The following ROBO2 variants were observed in gnomAD, a reference collection of about 807,000 sequenced individuals.
The protein encoded by ROBO2 is roundabout homolog 2.
In ROBO2, 53 loss-of-function variants were observed where a neutral mutation model predicts 160.8. That is an observed-to-expected ratio of 0.33 (90% CI 0.26 to 0.41). The LOEUF is 0.41. Ranked by LOEUF, ROBO2 falls within the 10% of genes least tolerant of loss-of-function variation. The probability of loss-of-function intolerance (pLI) is 1.00; values close to 1 mark genes in which losing one functional copy is unlikely to be tolerated. For missense variants in ROBO2, 1,577 were observed against 1,722.4 expected (o/e 0.92, Z 1.49); for synonymous variants, 664 against 611.7 (o/e 1.09, Z -1.26).
At chr3:75,956,424 T>C (rs1948724952) in intron 2 of ROBO2, among the ~76,000 whole-genome samples, 1 of 151,756 alleles carries the variant, frequency 6.6e-6, no homozygotes, top group African/African-American at 2.4e-5. Flanking sequence ...GCTGTCCTGA[T>C]GGCATTCCAA....
chr3:76,284,741 T>G lies in ROBO2; in HGVS notation c.109+347139T>G, dbSNP rs567278277. Among the ~76,000 whole-genome samples the G allele has an allele frequency of 1.2e-4, 18 of 152,268 alleles. No individual in the cohort carries two copies. In the South Asian group the frequency reaches 3.7e-3, roughly 32 times the overall value. The stretch of plus-strand genomic sequence containing the variant: ...ATCCAGAGGCCTGACCTTTGGATGT[T>G]TGATTCTTCATTTGATTCTTCACCT... On this transcript the variant is annotated intron_variant, in intron 2 of 26. Transcript: ENST00000487694.
intron 2 of ROBO2, among the ~76,000 whole-genome samples, chr3:76,784,040 G>C (rs1296798149): frequency 6.6e-6 from 1 of 150,718 alleles, no homozygotes; most frequent in African/African-American, 2.4e-5. Context: ...TTGGAACACT[G>C]TATTCTTCAG....
At chr3:76,980,122 A>G (rs2060020776) in intron 2 of ROBO2, among the ~76,000 whole-genome samples, 1 of 152,178 alleles carries the variant, frequency 6.6e-6, no homozygotes, top group Admixed American at 6.5e-5. Context: ...TGGCACAGGA[A>G]ACTCTGCAAA....
intron 2 of ROBO2, among the ~76,000 whole-genome samples, chr3:76,001,770 C>G (rs1241748691): frequency 6.6e-6 from 1 of 152,134 alleles, no homozygotes; most frequent in Non-Finnish European, 1.5e-5. Flanking sequence ...GTCTTGAACT[C>G]TTGAGCTCAA....
rs2062645880 is a variant in ROBO2 at position 77,301,397 on chromosome 3, A to G, written c.389-176017A>G. 3.3e-5 allele frequency among the ~76,000 whole-genome samples: 5 copies of G among 152,256 alleles called. No individual in the cohort carries two copies. In the South Asian group the frequency reaches 8.3e-4, roughly 25 times the overall value. On this transcript the variant is annotated intron_variant, in intron 2 of 25. Coordinates refer to ENST00000461745, the Ensembl canonical transcript of ROBO2. ...GCATTGGCTAAGTGTAATTTATGAAACAATGTACAGTGGAGGCTCCTAACT... is the reference window on the plus strand; with the variant it reads ...GCATTGGCTAAGTGTAATTTATGAAGCAATGTACAGTGGAGGCTCCTAACT...
intron 2 of ROBO2, among the ~76,000 whole-genome samples, chr3:76,085,121 A>G (rs2068966913): frequency 6.6e-6 from 1 of 150,632 alleles, no homozygotes; most frequent in Non-Finnish European, 1.5e-5. Flanking sequence ...ATATATACAC[A>G]CACACACACA....
At chr3:77,151,932 C>T (rs1052203521) in intron 2 of ROBO2, among the ~76,000 whole-genome samples, 2 of 152,038 alleles carry the variant, frequency 1.3e-5, no homozygotes, top group Admixed American at 6.6e-5. Flanking sequence ...AGATTTTTTT[C>T]AGTCCAATGC....
chr3:76,727,364 C>T (rs1192396971), intron 2 of ROBO2, among the ~76,000 whole-genome samples: 1 of 152,028 alleles, frequency 6.6e-6, no homozygotes, highest in East Asian at 1.9e-4. Flanking sequence ...TTTAAAAAGC[C>T]CTGATTCCTG....
chr3:77,101,705 G>A (rs747298859), intron 2 of ROBO2, among the ~76,000 whole-genome samples: 5 of 152,226 alleles, frequency 3.3e-5, no homozygotes, highest in Middle Eastern at 3.4e-3. Context: ...TAGAATATGG[G>A]CAGTGAAGTG....
rs140896871 is a variant in ROBO2, at chr3:77,152,157, C to A, written c.388+53817C>A. Among the ~76,000 whole-genome samples, 97 of 152,226 alleles carry A rather than the reference C, an allele frequency of 6.4e-4. 1 individual carries two copies. Among genetic ancestry groups the A allele is most frequent in the African/African-American group, 2.1e-3 (89 of 41,550 alleles). ...TTCACAGCTGTAGATTATTCAGAAT[C>A]TTCTTGATACTGATAATATCTTCTT... On this transcript the variant is annotated intron_variant, in intron 2 of 25. Transcript: ENST00000461745.
intron 2 of ROBO2, among the ~76,000 whole-genome samples, chr3:76,508,005 T>C (rs992375217): frequency 9.9e-5 from 15 of 152,206 alleles, no homozygotes; most frequent in African/African-American, 3.6e-4. Context: ...TATATATGTA[T>C]ATGTATGTCA....
At chr3:76,051,802 A>G (rs981886563) in intron 2 of ROBO2, among the ~76,000 whole-genome samples, 2 of 152,078 alleles carry the variant, frequency 1.3e-5, no homozygotes, top group South Asian at 2.1e-4. Flanking sequence ...AGAAGGGAAA[A>G]TATTATTGTA....
chr3:76,479,881 A>T (rs938615388), intron 2 of ROBO2, among the ~76,000 whole-genome samples: 15 of 152,196 alleles, frequency 9.9e-5, no homozygotes, highest in African/African-American at 3.6e-4. Flanking sequence ...TTAAGCAACC[A>T]TACGGGCTCT....
intron 21 of ROBO2, 114 bp downstream of exon 22, chr3:77,608,068 G>A: frequency 2.2e-6 from 2 of 918,946 alleles, no homozygotes; most frequent in South Asian, 2.8e-5. Context: ...CCACCACCAT[G>A]TTCATTGCAT....
chr3:76,232,718 T>G (rs1364562446), intron 2 of ROBO2, among the ~76,000 whole-genome samples: 1 of 152,216 alleles, frequency 6.6e-6, no homozygotes, highest in Non-Finnish European at 1.5e-5. Flanking sequence ...ATACATTTCA[T>G]GATCACAGAT....
chr3:75,958,638 G>A (rs1297707886), intron 2 of ROBO2, among the ~76,000 whole-genome samples: 1 of 151,646 alleles, frequency 6.6e-6, no homozygotes, highest in Non-Finnish European at 1.5e-5. Context: ...TAGAGAGCAA[G>A]GAAGTGGTGG....
chr3:77,213,602 A>G (rs1351086086), intron 2 of ROBO2, among the ~76,000 whole-genome samples: 1 of 151,724 alleles, frequency 6.6e-6, no homozygotes, highest in Non-Finnish European at 1.5e-5. Flanking sequence ...GATCTTAGTT[A>G]TTTCTTGCCT....
intron 2 of ROBO2, among the ~76,000 whole-genome samples, chr3:76,730,243 A>C (rs1277830415): frequency 1.4e-4 from 11 of 77,142 alleles, no homozygotes; most frequent in South Asian, 8.9e-4. Flanking sequence ...CTCACCTCCT[A>C]CTCCCTACCC....
At chr3:77,495,891 A>G (rs911422816) in intron 5 of ROBO2, among the ~76,000 whole-genome samples, 7 of 152,230 alleles carry the variant, frequency 4.6e-5, no homozygotes, top group African/African-American at 1.4e-4. Context: ...ATAAAAATGA[A>G]TTGAGCCTAG....
Sources: allele counts gnomAD v4.1 joint callset (sites outside exome capture counted in the v4.1 genomes callset), GRCh38; gene constraint gnomAD v4.1.1; transcripts MANE v1.5; gene names NCBI Gene and HGNC (gene_info 2026-07-23, HGNC 2026-07-21).